The following SHISA9 variants were observed in gnomAD, a reference collection of about 807,000 sequenced individuals.
SHISA9 encodes shisa family member 9.
In SHISA9, 13 loss-of-function variants were observed where a neutral mutation model predicts 38.0. The ratio of observed to expected loss-of-function variants is 0.34; its 90% confidence interval spans 0.22 to 0.54. The LOEUF is 0.54. SHISA9 is among the 20% of genes least tolerant of loss of function. The pLI is 0.91. For missense variants in SHISA9, 538 were observed against 575.8 expected, an observed-to-expected ratio of 0.93 and a Z score of 0.67; for synonymous variants, 275 against 242.0, an observed-to-expected ratio of 1.14 and a Z score of -1.27.
rs75924859 is a variant in SHISA9 at position 12,906,758 on chromosome 16, C to A, written c.563+4131C>A. ...CTTTATCTAGATGAGGATTTCTCAA[C>A]CTTGGCACTATTGACTGGAGAATCC... On this transcript the variant is annotated intron_variant, in intron 1 of 4. Coordinates refer to ENST00000558583, the MANE Select transcript of SHISA9 (RefSeq NM_001145204.3). Among the ~76,000 whole-genome samples, 28 of 152,246 alleles carry A rather than the reference C, an allele frequency of 1.8e-4. 1 individual carries two copies. In the East Asian group the frequency reaches 4.6e-3, roughly 25 times the overall value.
the SHISA9 span, among the ~76,000 whole-genome samples, chr16:13,463,173 A>G: frequency 6.6e-6 from 1 of 152,098 alleles, no homozygotes; most frequent in African/African-American, 2.4e-5. Context: ...AAACAAACAA[A>G]AAACCCTGCA....
chr16:13,463,326 G>A, the SHISA9 span, among the ~76,000 whole-genome samples: 5 of 152,266 alleles, frequency 3.3e-5, no homozygotes, highest in South Asian at 1.0e-3. Context: ...GAGAGAGAGA[G>A]GACCATGTGG....
At chr16:13,408,293 A>G in the SHISA9 span, among the ~76,000 whole-genome samples, 1 of 152,214 alleles carries the variant, frequency 6.6e-6, no homozygotes. Context: ...AAAAATGAAT[A>G]TTTACTTAGA....
At chr16:13,139,384 C>CCCTTCCTTCTTTCCTTCCTT (rs1463331971) in intron 2 of SHISA9, among the ~76,000 whole-genome samples, 1,991 of 86,740 alleles carry the variant, frequency 0.023, 61 homozygotes, top group East Asian at 0.041. Flanking sequence ...CTCCGTCCCT[C>CCCTTCCTTCTTTCCTTCCTT]CCTTCCTTCT....
the SHISA9 span, among the ~76,000 whole-genome samples, chr16:13,397,533 C>G: frequency 6.6e-6 from 1 of 152,174 alleles, no homozygotes; most frequent in Non-Finnish European, 1.5e-5. Context: ...CTCCTGGGTT[C>G]AAGCGATTCT....
At chr16:13,058,001 A>G (rs1434728807) in intron 2 of SHISA9, among the ~76,000 whole-genome samples, 1 of 152,176 alleles carries the variant, frequency 6.6e-6, no homozygotes, top group Non-Finnish European at 1.5e-5. Flanking sequence ...TTATGGCTGT[A>G]TAATATTCCA....
the SHISA9 span, among the ~76,000 whole-genome samples, chr16:13,528,043 TATTTC>T: frequency 2.6e-5 from 4 of 152,138 alleles, no homozygotes; most frequent in African/African-American, 9.7e-5. Context: ...AGGATACCAA[TATTTC>T]ATGTGGCTGT....
At chr16:12,922,597 G>T (rs1888374918) in intron 2 of SHISA9, among the ~76,000 whole-genome samples, 1 of 152,196 alleles carries the variant, frequency 6.6e-6, no homozygotes, top group Non-Finnish European at 1.5e-5. Context: ...TTGGCTCATT[G>T]CGACCCCTGC....
intron 2 of SHISA9, among the ~76,000 whole-genome samples, chr16:12,999,432 A>G (rs773870946): frequency 2.0e-5 from 3 of 152,236 alleles, no homozygotes; most frequent in Non-Finnish European, 4.4e-5. Flanking sequence ...CTCTGAAAAC[A>G]CATGAGTATT....
the SHISA9 span, among the ~76,000 whole-genome samples, chr16:13,355,185 G>C: frequency 1.3e-5 from 2 of 149,758 alleles, no homozygotes; most frequent in African/African-American, 2.5e-5. Context: ...TGTAAGGCTT[G>C]TCTGGTTTTA....
Position 13,203,434 on chromosome 16 carries a change from G to A in SHISA9, c.732G>A (p.Leu244=). 6.5e-7 allele frequency: 1 copy of A among 1,550,012 alleles called. No homozygotes were observed. The highest frequency in any genetic ancestry group is 8.7e-7 in the Non-Finnish European group (1 of 1,146,208). The change falls in exon 3 of 5, where the codon CTG becomes CTA. Residue 244 remains leucine (L), a synonymous_variant. Coordinates refer to ENST00000558583, the MANE Select transcript of SHISA9 (RefSeq NM_001145204.3). Reference sequence around the variant, plus strand: ...ACAACGCAGTGCCCACCTCTCCTCTGCTCCAGCAGATGGGCCATCCACATT... The same window carrying A: ...ACAACGCAGTGCCCACCTCTCCTCTACTCCAGCAGATGGGCCATCCACATT... The part of the protein sequence containing the change: ...QMNNAVPTSP[L]LQQMGHPHSY...
At chr16:13,431,168 A>G in the SHISA9 span, among the ~76,000 whole-genome samples, 892 of 152,262 alleles carry the variant, frequency 5.9e-3, 3 homozygotes, top group Middle Eastern at 0.034. Context: ...AGCTCCTTGA[A>G]TTTGACCTCC....
intron 2 of SHISA9, among the ~76,000 whole-genome samples, chr16:13,187,336 T>C (rs866092417): frequency 2.4e-3 from 281 of 116,250 alleles, no homozygotes; most frequent in African/African-American, 3.0e-3. Context: ...TTCTTTTTTT[T>C]TTTTTTTTTT....
At chr16:13,450,673 C>T in the SHISA9 span, among the ~76,000 whole-genome samples, 75 of 152,358 alleles carry the variant, frequency 4.9e-4, 1 homozygote, top group African/African-American at 1.6e-3. Flanking sequence ...TTTTACAAGA[C>T]AGAAAACTGC....
the SHISA9 span, among the ~76,000 whole-genome samples, chr16:13,257,162 A>T: frequency 6.6e-6 from 1 of 152,200 alleles, no homozygotes; most frequent in Non-Finnish European, 1.5e-5. Context: ...TTTCTCAGCC[A>T]AAGAGTTTGG....
intron 2 of SHISA9, among the ~76,000 whole-genome samples, chr16:13,004,633 A>G (rs1388570979): frequency 7.9e-5 from 12 of 152,140 alleles, no homozygotes; most frequent in Non-Finnish European, 1.8e-4. Flanking sequence ...GGTGAAAAAG[A>G]AACAGGGTCT....
At chr16:13,393,643 T>C in the SHISA9 span, among the ~76,000 whole-genome samples, 1 of 152,172 alleles carries the variant, frequency 6.6e-6, no homozygotes, top group African/African-American at 2.4e-5. Flanking sequence ...ATCAGGGACG[T>C]TGGCTAGAGA....
the SHISA9 span, among the ~76,000 whole-genome samples, chr16:13,425,856 C>A: frequency 6.6e-6 from 1 of 152,160 alleles, no homozygotes; most frequent in Non-Finnish European, 1.5e-5. Flanking sequence ...CCCCAAGCCA[C>A]AGGAAGACCC....
the SHISA9 span, among the ~76,000 whole-genome samples, chr16:13,366,463 C>A: frequency 6.6e-6 from 1 of 152,172 alleles, no homozygotes. Context: ...TTCAGTAGAT[C>A]TAGGGATACT....
Sources: allele counts gnomAD v4.1 joint callset (sites outside exome capture counted in the v4.1 genomes callset), GRCh38; gene constraint gnomAD v4.1.1; transcripts MANE v1.5; gene names NCBI Gene and HGNC (gene_info 2026-07-23, HGNC 2026-07-21).